The following DNAI4 variants were observed in gnomAD, a reference collection of about 807,000 sequenced individuals.
DNAI4 encodes dynein axonemal intermediate chain 4.
In DNAI4, 85 loss-of-function variants were observed where a neutral mutation model predicts 105.8. The observed-to-expected ratio is 0.80, with a 90% CI of 0.67 to 0.96. DNAI4 has a LOEUF of 0.96. Ranked by LOEUF, DNAI4 falls within the 40% of genes least tolerant of loss-of-function variation. DNAI4 has a pLI of 0.00. For missense variants in DNAI4, 1,014 were observed against 1,005.6 expected (o/e 1.01, Z -0.11); for synonymous variants, 352 against 331.5 (o/e 1.06, Z -0.67).
chr1:66,893,089 G>GAAAGAAAGA (rs1557965583), intron 3 of DNAI4, 140 bp downstream of exon 3: 5 of 408,496 alleles, frequency 1.2e-5, no homozygotes, highest in African/African-American at 1.1e-4. Context: ...AAGAAAGAAA[G>GAAAGAAAGA]AAAGAAAGAA....
At chr1:66,901,466 A>G (rs1648814649) in intron 2 of DNAI4, among the ~76,000 whole-genome samples, 1 of 152,088 alleles carries the variant, frequency 6.6e-6, no homozygotes, top group Non-Finnish European at 1.5e-5. Context: ...CTGATTATTT[A>G]CCTATCACCA....
At chr1:66,880,910 G>A (rs759207145) in intron 4 of DNAI4, among the ~76,000 whole-genome samples, 5 of 152,094 alleles carry the variant, frequency 3.3e-5, no homozygotes, top group Non-Finnish European at 2.9e-5. Context: ...CCAGGGTCCC[G>A]GTGTTGTGTG....
At chr1:66,858,627 G>A (rs534955405) in intron 7 of DNAI4, among the ~76,000 whole-genome samples, 2 of 151,578 alleles carry the variant, frequency 1.3e-5, no homozygotes, top group South Asian at 4.2e-4. Context: ...TAATCAAATG[G>A]CGTTTTTTCA....
At chr1:66,886,258 A>C (rs773886107) in intron 4 of DNAI4, among the ~76,000 whole-genome samples, 13 of 152,050 alleles carry the variant, frequency 8.5e-5, no homozygotes, top group Non-Finnish European at 1.5e-4. Context: ...TCTCCATTAG[A>C]TCTCTTAACA....
chr1:66,820,427 T>C (rs11208962), intron 16 of DNAI4, among the ~76,000 whole-genome samples: 58,691 of 151,974 alleles, frequency 0.39, 12,124 homozygotes, highest in South Asian at 0.51. Flanking sequence ...AGCCAGACAC[T>C]ATACTAGCCC....
intron 8 of DNAI4, among the ~76,000 whole-genome samples, chr1:66,844,454 T>C (rs942059307): frequency 2.0e-5 from 3 of 151,832 alleles, no homozygotes; most frequent in Non-Finnish European, 2.9e-5. Context: ...TCCCAGCTAC[T>C]AGGGAGGCTG....
At chr1:66,899,148 A>G (rs373427642) in intron 2 of DNAI4, among the ~76,000 whole-genome samples, 5 of 152,308 alleles carry the variant, frequency 3.3e-5, no homozygotes, top group East Asian at 3.9e-4. Flanking sequence ...GCTGGTTCAT[A>G]TGGTAACACT....
chr1:66,834,422 G>A (rs1028576568), intron 11 of DNAI4, among the ~76,000 whole-genome samples: 1 of 151,900 alleles, frequency 6.6e-6, no homozygotes, highest in African/African-American at 2.4e-5. Context: ...GAATACAAAA[G>A]CAAAAATGTT....
At chr1:66,899,997 C>A (rs978847471) in intron 2 of DNAI4, among the ~76,000 whole-genome samples, 1 of 152,184 alleles carries the variant, frequency 6.6e-6, no homozygotes, top group Non-Finnish European at 1.5e-5. Flanking sequence ...TGTGAATCAT[C>A]CTACTTTGCT....
intron 1 of DNAI4, among the ~76,000 whole-genome samples, chr1:66,908,314 G>C (rs115226185): frequency 0.075 from 11,422 of 152,130 alleles, 520 homozygotes; most frequent in African/African-American, 0.13. Context: ...ACTAAGAGGA[G>C]TCCTCCTCCC....
intron 2 of DNAI4, 102 bp downstream of exon 2, chr1:66,905,099 A>C (rs1364501023): frequency 2.8e-5 from 26 of 944,634 alleles, no homozygotes; most frequent in Non-Finnish European, 3.7e-5. Flanking sequence ...TTTCAAAATT[A>C]TGAGTGATTA....
intron 13 of DNAI4, 109 bp downstream of exon 13, chr1:66,833,476 G>A: frequency 3.2e-6 from 4 of 1,254,904 alleles, no homozygotes. Context: ...TAATATATTA[G>A]GCACAGTATT....
chr1:66,891,185 G>A lies in DNAI4; in HGVS notation c.612C>T (p.Ser204=), dbSNP rs1423200379. The stretch of plus-strand genomic sequence containing the variant: ...AACTAGTCAATCTTTCCCGTTTATA[G>A]GATGGTTCTTCCAGGTCTTCTGCTA... ...ESIAEDLEEP[S]YKRERLTSFT... is the part of the protein sequence containing the mutation. Residue 204 remains serine (S), a synonymous_variant, in exon 4 of 17, where the codon TCC becomes TCT. Transcript: ENST00000371026. 6.2e-7 allele frequency: 1 copy of A among 1,613,460 alleles called. No homozygotes were observed.
chr1:66,860,270 G>A (rs1424246383), intron 7 of DNAI4, among the ~76,000 whole-genome samples: 3 of 152,024 alleles, frequency 2.0e-5, no homozygotes, highest in African/African-American at 7.2e-5. Flanking sequence ...CCCCCCTTGA[G>A]TATGATAAAT....
chr1:66,825,507 G>T (rs1183371111), intron 15 of DNAI4, among the ~76,000 whole-genome samples: 1 of 152,158 alleles, frequency 6.6e-6, no homozygotes, highest in African/African-American at 2.4e-5. Context: ...ACAGAATAAT[G>T]TTTTTATCCA....
intron 7 of DNAI4, among the ~76,000 whole-genome samples, chr1:66,860,444 C>T (rs1329434049): frequency 6.6e-6 from 1 of 151,832 alleles, no homozygotes; most frequent in East Asian, 1.9e-4. Flanking sequence ...TAGTTTTGAT[C>T]TGAATTTCCT....
intron 1 of DNAI4, among the ~76,000 whole-genome samples, chr1:66,915,861 G>A (rs908422845): frequency 5.3e-5 from 8 of 152,052 alleles, no homozygotes; most frequent in Non-Finnish European, 1.0e-4. Flanking sequence ...AGTGGCTCAC[G>A]TCTGTAATCC....
chr1:66,893,113 G>GAAAGAAAGAA (rs1389021990), intron 3 of DNAI4, 116 bp downstream of exon 3: 50 of 504,454 alleles, frequency 9.9e-5, no homozygotes, highest in African/African-American at 7.0e-4. Context: ...AAGAAAGAAA[G>GAAAGAAAGAA]AAAGAAAGAA....
At chr1:66,882,304 C>A (rs879362843) in intron 4 of DNAI4, among the ~76,000 whole-genome samples, 2 of 152,160 alleles carry the variant, frequency 1.3e-5, no homozygotes, top group Admixed American at 1.3e-4. Flanking sequence ...TTTCACAAAG[C>A]AAAAATTTTT....
Sources: gnomAD v4.1 joint callset for allele counts (sites outside exome capture counted in the v4.1 genomes callset) on GRCh38, gnomAD v4.1.1 for gene constraint, MANE v1.5 for transcripts, NCBI Gene and HGNC (gene_info 2026-07-23, HGNC 2026-07-21) for gene names.